Variants in ARMC9 observed in about 807,000 individuals in gnomAD.
ARMC9 encodes the protein armadillo repeat containing 9.
A neutral mutation model predicts 107.0 loss-of-function variants in ARMC9; 94 were observed. The ratio of observed to expected loss-of-function variants is 0.88; its 90% CI spans 0.74 to 1.04. ARMC9 has a LOEUF of 1.04. Among genes scored for constraint, ARMC9 ranks in the 50% least tolerant of loss-of-function variants. The pLI, the probability that ARMC9 is intolerant of heterozygous loss-of-function variation, is 0.00. For missense variants in ARMC9, 942 were observed against 1,030.1 expected (o/e 0.91, Z 1.17); for synonymous variants, 380 against 396.9 (o/e 0.96, Z 0.51).
chr2:231,290,172 T>C (rs2040888743), intron 17 of ARMC9, among the ~76,000 whole-genome samples: 1 of 152,248 alleles, frequency 6.6e-6, no homozygotes. Flanking sequence ...ATGTTTATAG[T>C]TGAAGAAACA....
At chr2:231,334,276 T>A (rs1309563765) in intron 20 of ARMC9, among the ~76,000 whole-genome samples, 25 of 152,232 alleles carry the variant, frequency 1.6e-4, no homozygotes. Flanking sequence ...CTGTCTTCGT[T>A]TTGAAAGGCA....
At chr2:231,235,064 G>C (rs2035585018) in intron 7 of ARMC9, among the ~76,000 whole-genome samples, 160 bp from the exon 8 acceptor site, 2 of 152,254 alleles carry the variant, frequency 1.3e-5, no homozygotes, top group South Asian at 4.1e-4. Flanking sequence ...GTAAATAAAT[G>C]TGGCATAAAA....
intron 16 of ARMC9, among the ~76,000 whole-genome samples, chr2:231,281,397 G>T (rs1027301534): frequency 3.9e-5 from 6 of 152,172 alleles, no homozygotes; most frequent in Non-Finnish European, 7.3e-5. Context: ...TGGACACTTT[G>T]TGGTGGCAGG....
At chr2:231,256,650 AAGG>A (rs775010792) in intron 10 of ARMC9, 30 bp downstream of exon 10, 2 of 1,606,048 alleles carry the variant, frequency 1.2e-6, no homozygotes, top group African/African-American at 2.7e-5. Flanking sequence ...AATTTTTATT[AAGG>A]AGAACAGCAA....
chr2:231,346,717 A>G (rs7605509), intron 21 of ARMC9, among the ~76,000 whole-genome samples: 12,234 of 152,246 alleles, frequency 0.08, 1,456 homozygotes, highest in African/African-American at 0.26. Flanking sequence ...TTTGACAGTA[A>G]TAATATGGAT....
chr2:231,235,053 T>C (rs1438663877), intron 7 of ARMC9, among the ~76,000 whole-genome samples, 171 bp from the exon 8 acceptor site: 3 of 152,268 alleles, frequency 2.0e-5, no homozygotes, highest in African/African-American at 7.2e-5. Flanking sequence ...CAAAGCACTA[T>C]GTAAATAAAT....
At chr2:231,227,529 C>T (rs2034763651) in intron 7 of ARMC9, among the ~76,000 whole-genome samples, 1 of 152,222 alleles carries the variant, frequency 6.6e-6, no homozygotes, top group Non-Finnish European at 1.5e-5. Context: ...GATCTTGTTC[C>T]ATGCGCCAGC....
chr2:231,314,640 C>T (rs2042560628), intron 19 of ARMC9, among the ~76,000 whole-genome samples: 1 of 152,206 alleles, frequency 6.6e-6, no homozygotes, highest in African/African-American at 2.4e-5. Context: ...ATCCACCCCT[C>T]TTCCCAGTTG....
intron 5 of ARMC9, among the ~76,000 whole-genome samples, chr2:231,222,381 T>C (rs1202698697): frequency 6.6e-6 from 1 of 152,220 alleles, no homozygotes; most frequent in African/African-American, 2.4e-5. Flanking sequence ...CGCCTCCCAG[T>C]GCTGTGCGTG....
At chr2:231,365,746 A>G (rs2045789812) in intron 23 of ARMC9, among the ~76,000 whole-genome samples, 1 of 152,114 alleles carries the variant, frequency 6.6e-6, no homozygotes, top group African/African-American at 2.4e-5. Context: ...CCATGGGCAC[A>G]CACTTGGCGA....
chr2:231,329,973 T>C (rs1339619413), intron 19 of ARMC9, among the ~76,000 whole-genome samples: 1 of 152,196 alleles, frequency 6.6e-6, no homozygotes, highest in Admixed American at 6.5e-5. Context: ...TTCCTACAAA[T>C]GTTCAATTTC....
chr2:231,203,552 C>T (rs1298820268), intron 1 of ARMC9, among the ~76,000 whole-genome samples: 1 of 152,172 alleles, frequency 6.6e-6, no homozygotes, highest in Non-Finnish European at 1.5e-5. Context: ...AAATGGACAT[C>T]AGCAGCCGGG....
Position 231,273,024 on chromosome 2 carries a change from A to G in ARMC9, c.1280A>G (p.Lys427Arg), listed in dbSNP as rs771179227. 3.7e-6 allele frequency: 6 copies of G among 1,613,982 alleles called. No individual in the cohort carries two copies. The East Asian group carries it at 1.3e-4, about 36-fold the overall frequency. Residue 427 changes from lysine to arginine, a missense_variant, in exon 14 of 25, where the codon AAG (lysine) becomes AGG (arginine). Coordinates refer to ENST00000611582, the MANE Select transcript of ARMC9 (RefSeq NM_001352754.2). ...GAGGGAAGGCTGAAGGAGGAGGACA[A>G]GGATATCATCACCAGGGAGAATGTT... The part of the protein sequence containing the change: ...MLEGRLKEED[K>R]DIITRENVLG...
chr2:231,212,130 G>A (rs1015389026), intron 3 of ARMC9, among the ~76,000 whole-genome samples: 1 of 152,192 alleles, frequency 6.6e-6, no homozygotes, highest in African/African-American at 2.4e-5. Context: ...TAGTTCAGTA[G>A]TGTTACGTAT....
rs148325185 is a variant in ARMC9 at position 231,229,239 on chromosome 2, C to T, written c.622+2441C>T. 2.9e-3 allele frequency among the ~76,000 whole-genome samples: 439 copies of T among 152,234 alleles called. 3 individuals carry two copies. Among genetic ancestry groups the T allele is most frequent in the Middle Eastern group, 6.8e-3 (2 of 294 alleles). ...CAGTCATTTGTCACCCCCTTGTCCCCTCATCCTGCAGCTAAGGCTGTAATA... is the reference window on the plus strand; with the variant it reads ...CAGTCATTTGTCACCCCCTTGTCCCTTCATCCTGCAGCTAAGGCTGTAATA... On this transcript the variant is annotated intron_variant, in intron 7 of 24. Transcript: ENST00000611582.
intron 11 of ARMC9, among the ~76,000 whole-genome samples, chr2:231,261,176 G>A (rs1283512164): frequency 6.6e-6 from 1 of 152,112 alleles, no homozygotes; most frequent in Non-Finnish European, 1.5e-5. Context: ...TTTTTATCTA[G>A]TAGGATTTTC....
At chr2:231,258,812 C>A (rs2038077599) in intron 10 of ARMC9, among the ~76,000 whole-genome samples, 179 bp from the exon 11 acceptor site, 1 of 152,106 alleles carries the variant, frequency 6.6e-6, no homozygotes, top group Non-Finnish European at 1.5e-5. Flanking sequence ...CAGAGCTGAG[C>A]TGGTTGAAGC....
At chr2:231,207,592 C>T (rs1180954704) in intron 2 of ARMC9, among the ~76,000 whole-genome samples, 1 of 152,234 alleles carries the variant, frequency 6.6e-6, no homozygotes, top group Non-Finnish European at 1.5e-5. Flanking sequence ...TCTCCTGCCT[C>T]AGCCTCCCGA....
At chr2:231,301,938 C>T (rs973865359) in intron 19 of ARMC9, among the ~76,000 whole-genome samples, 1 of 151,630 alleles carries the variant, frequency 6.6e-6, no homozygotes. Context: ...AACATCACGC[C>T]GCTGCACTCC....
Sources: gnomAD v4.1 joint callset for allele counts (sites outside exome capture counted in the v4.1 genomes callset) on GRCh38, gnomAD v4.1.1 for gene constraint, MANE v1.5 for transcripts, NCBI Gene and HGNC (gene_info 2026-07-23, HGNC 2026-07-21) for gene names.